The following C8B variants were observed in gnomAD, a reference collection of about 807,000 sequenced individuals.
C8B encodes the protein complement C8 beta chain, also known as complement component C8 beta chain.
C8B carries 67 observed loss-of-function variants against 64.6 expected under a neutral mutation model. The ratio of observed to expected loss-of-function variants is 1.04; its 90% CI spans 0.85 to 1.27. C8B has a LOEUF of 1.27. Ranked by LOEUF, C8B falls within the 50% of genes most tolerant of loss-of-function variation. The probability of loss-of-function intolerance (pLI) is 0.00; values close to 1 mark genes in which losing one functional copy is unlikely to be tolerated. For missense variants in C8B, 790 were observed against 725.2 expected, an observed-to-expected ratio of 1.09 and a Z score of -1.03; for synonymous variants, 284 against 257.7, an observed-to-expected ratio of 1.10 and a Z score of -0.98.
At chr1:56,965,768 G>C (rs1324218464) in intron 1 of C8B, 89 bp downstream of exon 1, 23 of 1,389,562 alleles carry the variant, frequency 1.7e-5, no homozygotes, top group Non-Finnish European at 2.3e-5. Flanking sequence ...TCATTCAATA[G>C]GCATGCAACA....
Position 56,929,379 on chromosome 1 carries a change from A to G in C8B, c.*25T>C. 3 of 1,611,022 alleles carry G rather than the reference A, an allele frequency of 1.9e-6. No homozygotes were observed. The highest frequency in any genetic ancestry group is 2.7e-5 in the African/African-American group (2 of 74,936). ...CTTGAGGGCTCAGGGCTCTCATTGT[A>G]TGTAGCCCACTGCTGTATCATCTGC... is the stretch of plus-strand genomic sequence containing the variant. On this transcript the variant is annotated 3_prime_UTR_variant, in exon 12 of 12. Coordinates refer to ENST00000371237, the MANE Select transcript of C8B (RefSeq NM_000066.4).
Position 56,929,291 on chromosome 1 carries a change from C to G in C8B, c.*113G>C. 1 of 1,070,360 alleles carries G rather than the reference C, an allele frequency of 9.3e-7. No homozygotes were observed. Among genetic ancestry groups the G allele is most frequent in the South Asian group, 1.3e-5 (1 of 79,742 alleles). 66.3% of individuals were successfully genotyped at this position (1,070,360 alleles called of 1,614,324 possible). A position where few individuals can be genotyped will look rare whatever the true frequency, so the allele number is the denominator to read the frequency against. Reference sequence around the variant, plus strand: ...TTTATTTTAAACAGCTTGCATGGCACTGCCTTTTGCCCTTGCATGAACTCC... The same window carrying G: ...TTTATTTTAAACAGCTTGCATGGCAGTGCCTTTTGCCCTTGCATGAACTCC... On this transcript the variant is annotated 3_prime_UTR_variant, in exon 12 of 12. Coordinates refer to ENST00000371237, the MANE Select transcript of C8B (RefSeq NM_000066.4).
At chr1:56,933,303 C>T (rs775963747) in intron 10 of C8B, 32 bp downstream of exon 10, 2 of 1,601,124 alleles carry the variant, frequency 1.2e-6, no homozygotes, top group African/African-American at 2.7e-5. Flanking sequence ...TTATGGCTTC[C>T]ACCAGGGACA....
chr1:56,948,455 C>G (rs1644974459), intron 6 of C8B, among the ~76,000 whole-genome samples: 1 of 152,104 alleles, frequency 6.6e-6, no homozygotes, highest in Admixed American at 6.5e-5. Flanking sequence ...CATTAACATC[C>G]ATTGAAAATT....
At chr1:56,941,102 A>G (rs1053064121) in intron 8 of C8B, 90 bp from the exon 9 acceptor site, 78 of 1,395,314 alleles carry the variant, frequency 5.6e-5, no homozygotes, top group Non-Finnish European at 7.4e-5. Context: ...TGGGTACACC[A>G]TATTCACTGA....
At chr1:56,965,237 C>T (rs1488857249) in intron 1 of C8B, among the ~76,000 whole-genome samples, 1 of 152,200 alleles carries the variant, frequency 6.6e-6, no homozygotes, top group Non-Finnish European at 1.5e-5. Context: ...ATTGCTACGT[C>T]ACTGGCTCTT....
At chr1:56,930,761 G>T (rs1476089108) in intron 11 of C8B, among the ~76,000 whole-genome samples, 1 of 152,136 alleles carries the variant, frequency 6.6e-6, no homozygotes, top group African/African-American at 2.4e-5. Flanking sequence ...TGGGGTTGTT[G>T]TGAGGATTAA....
chr1:56,943,427 T>A (rs1334823055), intron 8 of C8B, among the ~76,000 whole-genome samples: 1 of 152,238 alleles, frequency 6.6e-6, no homozygotes, highest in Non-Finnish European at 1.5e-5. Flanking sequence ...GTGAACTAAC[T>A]ATAGTTATAC....
In C8B at chr1:56,963,562, A is replaced by G. The variant is rs1645208510; in HGVS notation, c.92+2295T>C. Among the ~76,000 whole-genome samples the G allele has an allele frequency of 2.2e-5, 3 of 134,130 alleles. No homozygotes were observed. In the South Asian group the frequency reaches 8.2e-4, roughly 36 times the overall value. The allele number at this position is 134,130 out of a possible 152,430, so 88.0% of individuals were successfully genotyped here. ...AACAGCACAGAGGCCAACAAGTCAG[A>G]TACACAATGTGGAGGTTGGGGGGTG... On this transcript the variant is annotated intron_variant, in intron 1 of 11. Coordinates refer to ENST00000371237, the MANE Select transcript of C8B (RefSeq NM_000066.4).
chr1:56,950,566 A>G (rs1645005527), intron 5 of C8B, among the ~76,000 whole-genome samples: 1 of 152,152 alleles, frequency 6.6e-6, no homozygotes, highest in Non-Finnish European at 1.5e-5. Flanking sequence ...CTGCCCATTC[A>G]GCCTGCAACT....
intron 8 of C8B, among the ~76,000 whole-genome samples, chr1:56,943,154 G>A (rs530602115): frequency 3.9e-5 from 6 of 152,206 alleles, no homozygotes; most frequent in African/African-American, 1.4e-4. Context: ...GCCAACAGGA[G>A]TATAAATTGG....
intron 11 of C8B, chr1:56,931,609 G>A (rs1404315140): frequency 3.6e-6 from 2 of 550,478 alleles, no homozygotes; most frequent in South Asian, 1.9e-5. Flanking sequence ...AGCACTCTGT[G>A]TTGTAAAAAT....
In C8B at chr1:56,934,922, C is replaced by T. The variant is rs535030155; in HGVS notation, c.1399-1434G>A. On this transcript the variant is annotated intron_variant, in intron 9 of 11. Transcript: ENST00000371237. ...AACCAAAAAGGCATTTTCCTACCAGCACTGGGGTTTGCTGCAGGAGGCAGA... is the reference window on the plus strand; with the variant it reads ...AACCAAAAAGGCATTTTCCTACCAGTACTGGGGTTTGCTGCAGGAGGCAGA... Among the ~76,000 whole-genome samples the T allele has an allele frequency of 9.2e-5, 14 of 152,292 alleles. No individual in the cohort carries two copies. The South Asian group carries it at 2.9e-3, about 32-fold the overall frequency.
In C8B at chr1:56,960,081, A is replaced by G; in HGVS notation, c.188T>C (p.Ile63Thr). 5 of 1,614,092 alleles carry G rather than the reference A, an allele frequency of 3.1e-6. No homozygotes were observed. Among genetic ancestry groups the G allele is most frequent in the Non-Finnish European group, 4.2e-6 (5 of 1,180,014 alleles). ...MRSVDVTLMP[I>T]DCELSSWSSW... Reference sequence around the variant, plus strand: ...GGACCAACTAGACAGCTCACAATCAATGGGCATCAGGGTAACATCCACACT... The same window carrying G: ...GGACCAACTAGACAGCTCACAATCAGTGGGCATCAGGGTAACATCCACACT... Residue 63 changes from isoleucine to threonine, a missense_variant, in exon 2 of 12, where the codon ATT becomes ACT. Transcript: ENST00000371237.
chr1:56,936,033 CTCT>C (rs906624048), intron 9 of C8B, among the ~76,000 whole-genome samples: 33 of 152,198 alleles, frequency 2.2e-4, no homozygotes, highest in African/African-American at 7.7e-4. Flanking sequence ...ATGTATTCAA[CTCT>C]TCTTCTGTTC....
At chr1:56,964,124 T>C in intron 1 of C8B, 1 of 382,080 alleles carries the variant, frequency 2.6e-6, no homozygotes, top group Non-Finnish European at 3.6e-6. Context: ...CAGTTTGTTC[T>C]CTTACATAGC....
intron 7 of C8B, among the ~76,000 whole-genome samples, 167 bp from the exon 8 acceptor site, chr1:56,943,991 A>G (rs903900587): frequency 6.6e-6 from 1 of 152,184 alleles, no homozygotes; most frequent in African/African-American, 2.4e-5. Flanking sequence ...AAATGGCACC[A>G]GGGCAGAGAC....
chr1:56,954,844 GT>G lies in C8B; in HGVS notation c.392-18del, dbSNP rs766125187. ...CACACCTTCCTAGAATGGAGAAAGA[GT>G]ATTACCCACAGCCACATGGTTGGCA... On this transcript the variant is annotated intron_variant, in intron 3 of 11. Coordinates refer to ENST00000371237, the MANE Select transcript of C8B (RefSeq NM_000066.4). 11 of 1,613,962 alleles carry G rather than the reference GT, an allele frequency of 6.8e-6. No individual in the cohort carries two copies. Among genetic ancestry groups the G allele is most frequent in the African/African-American group, 1.3e-5 (1 of 74,930 alleles).
At chr1:56,949,896 G>A (rs915151250) in intron 5 of C8B, 144 bp from the exon 6 acceptor site, 9 of 677,082 alleles carry the variant, frequency 1.3e-5, no homozygotes, top group Admixed American at 2.3e-5. Context: ...GCCGATTTGT[G>A]TCCCCACCTC....
Sources: gnomAD v4.1 joint callset for allele counts (sites outside exome capture counted in the v4.1 genomes callset) on GRCh38, gnomAD v4.1.1 for gene constraint, MANE v1.5 for transcripts, NCBI Gene and HGNC (gene_info 2026-07-23, HGNC 2026-07-21) for gene names.